Variants in MAPK8IP3 observed in about 807,000 individuals in gnomAD.
MAPK8IP3 encodes the protein C-Jun-amino-terminal kinase-interacting protein 3.
A neutral mutation model predicts 157.8 loss-of-function variants in MAPK8IP3; 49 were observed. The observed-to-expected ratio is 0.31, with a 90% confidence interval of 0.25 to 0.39. MAPK8IP3 has a LOEUF of 0.39. MAPK8IP3 is among the 10% of genes least tolerant of loss of function. The pLI is 1.00. For synonymous variants in MAPK8IP3, 897 were observed against 777.7 expected (o/e 1.15, Z -2.55); for missense variants, 1,478 against 1,889.4 (o/e 0.78, Z 4.04).
chr16:1,762,664 C>T lies in MAPK8IP3; in HGVS notation c.1671-11C>T. ...GCACTAGCAGGTTGCTCCCTGTGCC[C>T]TCCCCTGCAGAGCGTCCCGAGAGCA... On this transcript the variant is annotated splice_polypyrimidine_tract_variant and intron_variant, in intron 14 of 31. Coordinates refer to ENST00000610761, the MANE Select transcript of MAPK8IP3 (RefSeq NM_001318852.2). The T allele has an allele frequency of 1.3e-6, 2 of 1,544,630 alleles. No individual in the cohort carries two copies. Among genetic ancestry groups the T allele is most frequent in the Non-Finnish European group, 1.7e-6 (2 of 1,143,828 alleles).
chr16:1,741,238 G>T lies in MAPK8IP3; in HGVS notation c.603-2094G>T, dbSNP rs1382286040. Among the ~76,000 whole-genome samples, 1 of 152,216 alleles carries T rather than the reference G, an allele frequency of 6.6e-6. No homozygotes were observed. The highest frequency in any genetic ancestry group is 1.5e-5 in the Non-Finnish European group (1 of 68,032). ...GTGGTCTCTGAACTAGGGAGCATCT[G>T]CATCCCCTGAGGGAGCTGCGAGGAC... On this transcript the variant is annotated intron_variant, in intron 4 of 31. Transcript: ENST00000610761. The surrounding 1 kb of genome is among the most constrained non-coding windows in gnomAD (Gnocchi z 6.9).
In MAPK8IP3 at chr16:1,743,560, G is replaced by T; in HGVS notation, c.747+84G>T. 1 of 1,536,786 alleles carries T rather than the reference G, an allele frequency of 6.5e-7. No individual in the cohort carries two copies. The highest frequency in any genetic ancestry group is 8.7e-7 in the Non-Finnish European group (1 of 1,152,312). ...ACTGGGGCGGGAGCCTCGTCTGCAG[G>T]CAGCCCTTCACGGCTCTCTGGGCCA... On this transcript the variant is annotated intron_variant, in intron 5 of 31. Coordinates refer to ENST00000610761, the MANE Select transcript of MAPK8IP3 (RefSeq NM_001318852.2). This position sits in a 1 kb window ranked among gnomAD's most constrained non-coding sequence, Gnocchi z 5.6.
intron 8 of MAPK8IP3, among the ~76,000 whole-genome samples, chr16:1,750,237 A>C (rs2041212241): frequency 1.3e-5 from 2 of 150,806 alleles, no homozygotes; most frequent in Non-Finnish European, 3.0e-5. Context: ...TTTCTTAGAC[A>C]AAGTCCCGCT....
intron 4 of MAPK8IP3, among the ~76,000 whole-genome samples, chr16:1,737,421 C>T (rs1457080615): frequency 1.0e-5 from 1 of 95,846 alleles, no homozygotes; most frequent in East Asian, 4.4e-4. Flanking sequence ...TCCGTGTGAG[C>T]GTCCGTGTGA....
At chr16:1,735,650 AC>A (rs1459365323) in intron 4 of MAPK8IP3, among the ~76,000 whole-genome samples, 10 of 128,922 alleles carry the variant, frequency 7.8e-5, no homozygotes, top group African/African-American at 2.8e-4. Context: ...TGTGAGTGTG[AC>A]CATCCATGTG....
rs770583186 is a variant in MAPK8IP3, at chr16:1,762,491, G to A, written c.1670+10G>A. 3.1e-6 allele frequency: 5 copies of A among 1,611,606 alleles called. No individual in the cohort carries two copies. The Admixed American group carries it at 5.0e-5, about 16-fold the overall frequency. ...GGACTGAGATGATCAGGTGGGAGTT[G>A]CGGCCACCCCAGGAGGGGCTGCGGG... On this transcript the variant is annotated intron_variant, in intron 14 of 31. Transcript: ENST00000610761.
At chr16:1,753,286 GT>G in intron 8 of MAPK8IP3, among the ~76,000 whole-genome samples, 1 of 152,128 alleles carries the variant, frequency 6.6e-6, no homozygotes, top group South Asian at 2.1e-4. Flanking sequence ...TTGTTTGTTC[GT>G]TCGTTTGTTT....
chr16:1,721,896 AGTAGCTG>A (rs1220180791), intron 1 of MAPK8IP3, among the ~76,000 whole-genome samples: 1 of 151,926 alleles, frequency 6.6e-6, no homozygotes, highest in South Asian at 2.1e-4. Flanking sequence ...CGCCCTCCCG[AGTAGCTG>A]GGACTACAGG....
Position 1,760,362 on chromosome 16 carries a change from C to T in MAPK8IP3, c.1305-18C>T, listed in dbSNP as rs772527905. Reference sequence around the variant, plus strand: ...TATGCCGCGCCCGTGGCACTCCCATCTTTCTGCTTTTTCAAAGAAACGCCT... The same window carrying T: ...TATGCCGCGCCCGTGGCACTCCCATTTTTCTGCTTTTTCAAAGAAACGCCT... On this transcript the variant is annotated intron_variant, in intron 11 of 31. Coordinates refer to ENST00000610761, the MANE Select transcript of MAPK8IP3 (RefSeq NM_001318852.2). 7.5e-6 allele frequency: 12 copies of T among 1,602,980 alleles called. No homozygotes were observed. The highest frequency in any genetic ancestry group is 4.5e-5 in the East Asian group (2 of 44,614).
intron 8 of MAPK8IP3, among the ~76,000 whole-genome samples, chr16:1,755,705 G>T (rs888267216): frequency 4.0e-5 from 6 of 151,880 alleles, no homozygotes; most frequent in African/African-American, 1.5e-4. Flanking sequence ...AAATTACCTG[G>T]GCCTGGTGAC....
At chr16:1,758,253 TGTGG>T in intron 9 of MAPK8IP3, 94 bp downstream of exon 9, 1 of 1,457,764 alleles carries the variant, frequency 6.9e-7, no homozygotes, top group Non-Finnish European at 9.5e-7. Context: ...ACCGTGGCTG[TGTGG>T]ACTGCCCCCC....
Position 1,764,964 on chromosome 16 carries a change from G to A in MAPK8IP3, c.2281-49G>A, listed in dbSNP as rs199693543. ...AGCCCCATGGCCCTGTGCTGCCACC[G>A]GGTAGCCTCAAGCTCGGGCTCTGAC... On this transcript the variant is annotated intron_variant, in intron 19 of 31. Transcript: ENST00000610761. 442 of 1,567,260 alleles carry A rather than the reference G, an allele frequency of 2.8e-4. 1 individual carries two copies. The African/African-American group carries it at 4.5e-3, about 16-fold the overall frequency.
intron 15 of MAPK8IP3, 23 bp from the exon 16 acceptor site, chr16:1,762,810 CCCT>C: frequency 6.2e-7 from 1 of 1,608,384 alleles, no homozygotes; most frequent in Non-Finnish European, 8.5e-7. Flanking sequence ...CTCTGCCCAC[CCCT>C]CACCTCCCTG....
At chr16:1,756,249 C>T (rs2041592323) in intron 8 of MAPK8IP3, among the ~76,000 whole-genome samples, 1 of 152,098 alleles carries the variant, frequency 6.6e-6, no homozygotes, top group African/African-American at 2.4e-5. Flanking sequence ...TTGAAAGCAA[C>T]CAGGCCAGGG....
intron 4 of MAPK8IP3, among the ~76,000 whole-genome samples, chr16:1,737,246 CCGTGTGAG>C (rs1404344524): frequency 8.0e-4 from 58 of 72,320 alleles, no homozygotes; most frequent in East Asian, 4.6e-3. Flanking sequence ...ATCCGTGTGA[CCGTGTGAG>C]CGTCCGTGTG....
chr16:1,764,092 C>T lies in MAPK8IP3; in HGVS notation c.2026-23C>T, dbSNP rs182494933. The T allele has an allele frequency of 2.2e-5, 34 of 1,575,932 alleles. No homozygotes were observed. In the East Asian group the frequency reaches 6.3e-4, roughly 29 times the overall value. ...GGGTAGGAGCCAGGGTTCGTGCCCA[C>T]GGCGCCTCCCTGCTCCCTGCAGCTG... On this transcript the variant is annotated intron_variant, in intron 17 of 31. Transcript: ENST00000610761.
At chr16:1,758,353 A>T (rs2041740309) in intron 9 of MAPK8IP3, among the ~76,000 whole-genome samples, 194 bp downstream of exon 9, 1 of 151,824 alleles carries the variant, frequency 6.6e-6, no homozygotes, top group Non-Finnish European at 1.5e-5. Context: ...CTTGACAATG[A>T]CCTGGATATC....
At chr16:1,748,554 G>A in intron 7 of MAPK8IP3, 48 bp from the exon 8 acceptor site, 1 of 1,484,768 alleles carries the variant, frequency 6.7e-7, no homozygotes, top group Admixed American at 1.7e-5. Context: ...AGCCACTCCG[G>A]GCTGCCCACT....
chr16:1,761,653 G>A (rs1414948565), intron 13 of MAPK8IP3, among the ~76,000 whole-genome samples: 5 of 112,320 alleles, frequency 4.5e-5, no homozygotes, highest in Admixed American at 1.9e-4. Context: ...ATTCACAGGC[G>A]GGGCGGCCAC....
Sources: allele counts gnomAD v4.1 joint callset (sites outside exome capture counted in the v4.1 genomes callset), GRCh38; gene constraint gnomAD v4.1.1; non-coding constraint Gnocchi (gnomAD v3.1); transcripts MANE v1.5; gene names NCBI Gene and HGNC (gene_info 2026-07-23, HGNC 2026-07-21).